Variants in CGNL1 observed in about 807,000 individuals in gnomAD.
CGNL1 encodes cingulin-like protein 1.
In CGNL1, 132 loss-of-function variants were observed where a neutral mutation model predicts 141.2. The observed-to-expected ratio is 0.93, with a 90% CI of 0.81 to 1.08. The LOEUF is 1.08. Ranked by LOEUF, CGNL1 falls within the 50% of genes least tolerant of loss-of-function variation. CGNL1 has a pLI of 0.00. For missense variants in CGNL1, 1,870 were observed against 1,588.6 expected (o/e 1.18, Z -3.01); for synonymous variants, 690 against 622.1 (o/e 1.11, Z -1.63).
At chr15:57,455,418 C>T (rs2063367371) in intron 7 of CGNL1, among the ~76,000 whole-genome samples, 1 of 152,146 alleles carries the variant, frequency 6.6e-6, no homozygotes, top group African/African-American at 2.4e-5. Flanking sequence ...TATCTTAGCT[C>T]TTGGGAAGTC....
At chr15:57,494,425 C>T (rs2063908136) in intron 8 of CGNL1, among the ~76,000 whole-genome samples, 1 of 152,152 alleles carries the variant, frequency 6.6e-6, no homozygotes, top group African/African-American at 2.4e-5. Context: ...CCTCTGCCAC[C>T]ACCCTTTTTC....
rs1595794153 is a variant in CGNL1 at position 57,522,726 on chromosome 15, T to A, written c.2716-763T>A. 2.6e-5 allele frequency among the ~76,000 whole-genome samples: 4 copies of A among 152,358 alleles called. No homozygotes were observed. In the Middle Eastern group the frequency reaches 0.01, roughly 389 times the overall value. ...TTTACATAAAGAACATAAGTCTGTG[T>A]GACTTTGTGAGATGAGAGCCTCAGG... On this transcript the variant is annotated intron_variant, in intron 10 of 18. Transcript: ENST00000281282.
At chr15:57,531,826 A>G (rs1441960924) in intron 14 of CGNL1, 47 bp downstream of exon 14, 4 of 1,206,164 alleles carry the variant, frequency 3.3e-6, no homozygotes, top group Non-Finnish European at 3.7e-6. Context: ...TGTGTGAAAA[A>G]GGAACATGAG....
At chr15:57,391,205 C>A (rs1447073329) in intron 1 of CGNL1, among the ~76,000 whole-genome samples, 1 of 152,170 alleles carries the variant, frequency 6.6e-6, no homozygotes, top group African/African-American at 2.4e-5. Context: ...CTAGCAGAGT[C>A]CGGACTGGTG....
At chr15:57,517,804 C>T (rs1389293806) in intron 9 of CGNL1, among the ~76,000 whole-genome samples, 2 of 152,194 alleles carry the variant, frequency 1.3e-5, no homozygotes, top group African/African-American at 4.8e-5. Context: ...TCATCACCCC[C>T]TAAAGGTCCC....
rs148272261 is a variant in CGNL1 at position 57,549,623 on chromosome 15, C to T, written c.*2133C>T. On this transcript the variant is annotated 3_prime_UTR_variant, in exon 19 of 19. Transcript: ENST00000281282. ...ATTCATTTAGCACATATTTATTGGG[C>T]ATCGGTGATGTGTCAGGCACAGTCC... The T allele has an allele frequency of 1.4e-3, 215 of 152,292 alleles. No individual in the cohort carries two copies. The highest frequency in any genetic ancestry group is 5.0e-3 in the African/African-American group (206 of 41,542). The allele number at this position is 152,292 out of a possible 1,614,324, so 9.4% of individuals were successfully genotyped here.
chr15:57,524,523 C>A, intron 11 of CGNL1, 58 bp from the exon 12 acceptor site: 1 of 1,499,926 alleles, frequency 6.7e-7, no homozygotes, highest in East Asian at 2.3e-5. Flanking sequence ...GAAATGGGAC[C>A]CAGACCCTGG....
At chr15:57,512,258 C>G (rs527814379) in intron 8 of CGNL1, among the ~76,000 whole-genome samples, 1 of 152,270 alleles carries the variant, frequency 6.6e-6, no homozygotes, top group South Asian at 2.1e-4. Context: ...TAGTACTTGC[C>G]TTGAACAAAA....
Position 57,546,257 on chromosome 15 carries a change from C to A in CGNL1, c.3773+18C>A, listed in dbSNP as rs1188055113. ...GACTTAAGGTGGGCAGGTGTGGAGG[C>A]CACAGAGGGCCGGGTAATCTCCCCA... On this transcript the variant is annotated intron_variant, in intron 18 of 18. Coordinates refer to ENST00000281282, the MANE Select transcript of CGNL1 (RefSeq NM_032866.5). The A allele has an allele frequency of 1.3e-6, 2 of 1,552,938 alleles. No homozygotes were observed. The highest frequency in any genetic ancestry group is 8.7e-7 in the Non-Finnish European group (1 of 1,147,890).
chr15:57,481,409 C>T (rs1186629177), intron 8 of CGNL1, among the ~76,000 whole-genome samples: 1 of 152,130 alleles, frequency 6.6e-6, no homozygotes, highest in Non-Finnish European at 1.5e-5. Flanking sequence ...TTATCATTTC[C>T]AGGATGGTAT....
intron 8 of CGNL1, among the ~76,000 whole-genome samples, chr15:57,489,590 A>G (rs1247080713): frequency 1.3e-5 from 2 of 152,220 alleles, no homozygotes; most frequent in Admixed American, 6.5e-5. Flanking sequence ...AATTTTGAAC[A>G]TAGTATGAGG....
rs919626812 is a variant in CGNL1, at chr15:57,439,051, C to G, written c.1052C>G (p.Pro351Arg). 16 of 1,614,074 alleles carry G rather than the reference C, an allele frequency of 9.9e-6. No homozygotes were observed. The highest frequency in any genetic ancestry group is 6.7e-5 in the Admixed American group (4 of 60,008). Residue 351 changes from proline to arginine, a missense_variant, in exon 2 of 19, where the codon CCT (proline) becomes CGT (arginine). By Grantham distance (103) the Pro-to-Arg change is moderately radical. Transcript: ENST00000281282. ...TGRDIDTGSI[P>R]GVDQLIEKFD... The stretch of plus-strand genomic sequence containing the variant: ...CGGGATATTGATACAGGATCAATTC[C>G]TGGTGTGGATCAGTTAATTGAAAAA...
At chr15:57,395,371 TAAATAATCCCA>T in intron 1 of CGNL1, among the ~76,000 whole-genome samples, 1 of 152,372 alleles carries the variant, frequency 6.6e-6, no homozygotes, top group East Asian at 1.9e-4. Context: ...TTTCGGAAGC[TAAATAATCCCA>T]ATGTGTGACT....
chr15:57,516,689 T>C, intron 8 of CGNL1, 91 bp from the exon 9 acceptor site: 1 of 1,357,176 alleles, frequency 7.4e-7, no homozygotes, highest in South Asian at 1.3e-5. Context: ...GTGGGCACAA[T>C]GGGTTTTTCA....
chr15:57,442,341 C>T, intron 3 of CGNL1, 32 bp from the exon 4 acceptor site: 1 of 1,359,440 alleles, frequency 7.4e-7, no homozygotes, highest in Non-Finnish European at 1.1e-6. Context: ...TGGTTGTGTC[C>T]CTCATTGTTT....
rs535348810 is a variant in CGNL1 at position 57,387,383 on chromosome 15, T to G, written c.-16+10816T>G. ...CCTGTTTTCAAGTTTTAAACTGTCT[T>G]TCTTCATTGATTTTGATCCTTCTTG... On this transcript the variant is annotated intron_variant, in intron 1 of 18. Coordinates refer to ENST00000281282, the MANE Select transcript of CGNL1 (RefSeq NM_032866.5). Among the ~76,000 whole-genome samples, 119 of 152,278 alleles carry G rather than the reference T, an allele frequency of 7.8e-4. 1 individual carries two copies. Among genetic ancestry groups the G allele is most frequent in the Non-Finnish European group, 1.6e-3 (106 of 68,028 alleles).
chr15:57,543,244 ACG>A (rs2032664700), intron 14 of CGNL1, among the ~76,000 whole-genome samples: 1 of 146,206 alleles, frequency 6.8e-6, no homozygotes, highest in Non-Finnish European at 1.5e-5. Context: ...GTCCATCTTC[ACG>A]TGGCCGTCTT....
At chr15:57,495,319 C>A (rs1399761142) in intron 8 of CGNL1, among the ~76,000 whole-genome samples, 1 of 152,312 alleles carries the variant, frequency 6.6e-6, no homozygotes, top group Non-Finnish European at 1.5e-5. Context: ...TTACCAGCAT[C>A]TTGGTGGATT....
intron 1 of CGNL1, among the ~76,000 whole-genome samples, chr15:57,429,151 C>G (rs1176296391): frequency 3.3e-5 from 5 of 152,074 alleles, no homozygotes; most frequent in Non-Finnish European, 7.3e-5. Flanking sequence ...TTAATGCCAA[C>G]AGTGTGAACC....
Sources: allele counts gnomAD v4.1 joint callset (sites outside exome capture counted in the v4.1 genomes callset), GRCh38; gene constraint gnomAD v4.1.1; transcripts MANE v1.5; gene names NCBI Gene and HGNC (gene_info 2026-07-23, HGNC 2026-07-21).